The following RALYL variants were observed in gnomAD, a reference collection of about 807,000 sequenced individuals.
RALYL encodes the protein RNA-binding Raly-like protein.
Under a neutral mutation model 35.1 loss-of-function variants are expected in RALYL, and 29 were observed. The ratio of observed to expected loss-of-function variants is 0.83; its 90% CI spans 0.61 to 1.13. The LOEUF is 1.13. Among genes scored for constraint, RALYL ranks in the 50% most tolerant of loss-of-function variants. RALYL has a pLI of 0.00. For synonymous variants in RALYL, 120 were observed against 127.6 expected (o/e 0.94, Z 0.40); for missense variants, 359 against 360.4 (o/e 1.00, Z 0.03).
intron 2 of RALYL, among the ~76,000 whole-genome samples, chr8:84,724,413 C>G (rs1844566600): frequency 6.6e-6 from 1 of 151,770 alleles, no homozygotes; most frequent in Non-Finnish European, 1.5e-5. Flanking sequence ...ATAGAGGAAT[C>G]TTTGTTAAAG....
At chr8:84,778,150 G>A (rs1228211573) in intron 3 of RALYL, among the ~76,000 whole-genome samples, 1 of 152,114 alleles carries the variant, frequency 6.6e-6, no homozygotes, top group Non-Finnish European at 1.5e-5. Context: ...TTGTATGAAG[G>A]TAGTCTCTGA....
intron 2 of RALYL, among the ~76,000 whole-genome samples, chr8:84,593,162 G>A (rs1357055399): frequency 6.6e-6 from 1 of 151,880 alleles, no homozygotes; most frequent in Admixed American, 6.6e-5. Context: ...CATTCTTTCT[G>A]CTTGTATAGT....
chr8:84,605,367 A>G (rs1286109767), intron 2 of RALYL, among the ~76,000 whole-genome samples: 1 of 152,120 alleles, frequency 6.6e-6, no homozygotes, highest in African/African-American at 2.4e-5. Context: ...AGCAATCCAC[A>G]AAAACCAACA....
At chr8:84,673,528 A>T (rs1833648958) in intron 2 of RALYL, among the ~76,000 whole-genome samples, 1 of 151,938 alleles carries the variant, frequency 6.6e-6, no homozygotes, top group South Asian at 2.1e-4. Flanking sequence ...TTTTACATTT[A>T]AAATCCATCT....
At chr8:84,213,553 A>G (rs1586227281) in intron 1 of RALYL, among the ~76,000 whole-genome samples, 1 of 152,214 alleles carries the variant, frequency 6.6e-6, no homozygotes, top group Non-Finnish European at 1.5e-5. Context: ...AATATATTGT[A>G]TTTGGAATAG....
chr8:84,442,345 A>C (rs1182661612), intron 1 of RALYL, among the ~76,000 whole-genome samples: 1 of 152,122 alleles, frequency 6.6e-6, no homozygotes, highest in African/African-American at 2.4e-5. Flanking sequence ...ATTTGATTCT[A>C]ATTAAATGCT....
Position 84,224,661 on chromosome 8 carries a change from CT to C in RALYL, c.-24+40250del, listed in dbSNP as rs11406770. On this transcript the variant is annotated intron_variant, in intron 1 of 8. Coordinates refer to ENST00000521268, the MANE Select transcript of RALYL (RefSeq NM_173848.7). ...TAATGGATTATTAACTTCATTATTA[CT>C]TTTTTTTTTTTTGACACAAAGTTGC... Among the ~76,000 whole-genome samples the C allele has an allele frequency of 3.6e-3, 528 of 146,982 alleles. 2 individuals carry two copies. Among genetic ancestry groups the C allele is most frequent in the Middle Eastern group, 7.2e-3 (2 of 276 alleles).
chr8:84,799,678 C>T (rs1822745917), intron 3 of RALYL, among the ~76,000 whole-genome samples: 1 of 152,176 alleles, frequency 6.6e-6, no homozygotes, highest in Non-Finnish European at 1.5e-5. Flanking sequence ...GAGGAAGGGC[C>T]GGGTGCGCTG....
At chr8:84,632,126 C>T (rs1163409462) in intron 2 of RALYL, among the ~76,000 whole-genome samples, 2 of 151,814 alleles carry the variant, frequency 1.3e-5, no homozygotes, top group African/African-American at 4.8e-5. Flanking sequence ...TTATCCCCTC[C>T]CACCATGCGA....
intron 1 of RALYL, among the ~76,000 whole-genome samples, chr8:84,312,232 C>T (rs1842950119): frequency 6.6e-6 from 1 of 152,200 alleles, no homozygotes; most frequent in Non-Finnish European, 1.5e-5. Context: ...CCCCATAATC[C>T]AGTCACCTCC....
intron 1 of RALYL, among the ~76,000 whole-genome samples, chr8:84,338,154 C>T (rs187356496): frequency 6.6e-6 from 1 of 151,308 alleles, no homozygotes; most frequent in Admixed American, 6.6e-5. Flanking sequence ...ACCTTACATT[C>T]CTCCATCTTA....
chr8:84,428,055 G>A (rs958938657), intron 1 of RALYL, among the ~76,000 whole-genome samples: 5 of 145,894 alleles, frequency 3.4e-5, no homozygotes, highest in East Asian at 2.0e-4. Flanking sequence ...TTATTGATCC[G>A]GCTCGCTTGC....
chr8:84,201,468 T>C (rs1816827196), intron 1 of RALYL, among the ~76,000 whole-genome samples: 1 of 152,012 alleles, frequency 6.6e-6, no homozygotes, highest in Admixed American at 6.6e-5. Flanking sequence ...TGAGTGTGAG[T>C]GTGTGTGGAG....
intron 1 of RALYL, among the ~76,000 whole-genome samples, chr8:84,215,212 C>A (rs1820505601): frequency 6.6e-6 from 1 of 152,044 alleles, no homozygotes; most frequent in Admixed American, 6.6e-5. Context: ...ATATAGTACA[C>A]ATTTTAATAT....
chr8:84,599,897 CA>C (rs1815497869), intron 2 of RALYL, among the ~76,000 whole-genome samples: 1 of 149,212 alleles, frequency 6.7e-6, no homozygotes, highest in African/African-American at 2.4e-5. Flanking sequence ...GAAACTTGTT[CA>C]GGGGTTAGCA....
intron 1 of RALYL, among the ~76,000 whole-genome samples, chr8:84,198,524 C>A (rs1454882390): frequency 6.6e-6 from 1 of 152,044 alleles, no homozygotes; most frequent in Non-Finnish European, 1.5e-5. Context: ...TCCAATGATA[C>A]CCTTTGGCAT....
intron 1 of RALYL, among the ~76,000 whole-genome samples, chr8:84,468,297 A>T (rs894134494): frequency 5.3e-5 from 8 of 151,562 alleles, no homozygotes; most frequent in African/African-American, 9.7e-5. Flanking sequence ...GTTCCTTTCC[A>T]TGTTTAGTGC....
chr8:84,260,761 G>C (rs535671334), intron 1 of RALYL, among the ~76,000 whole-genome samples: 4 of 152,252 alleles, frequency 2.6e-5, no homozygotes, highest in African/African-American at 7.2e-5. Flanking sequence ...TTCTGGAATA[G>C]CATTGCTAAT....
intron 2 of RALYL, among the ~76,000 whole-genome samples, chr8:84,707,734 A>G (rs1841461428): frequency 6.6e-6 from 1 of 152,150 alleles, no homozygotes; most frequent in Admixed American, 6.6e-5. Flanking sequence ...GAGAGCAGGA[A>G]CATAATAAAA....
Sources: allele counts gnomAD v4.1 joint callset (sites outside exome capture counted in the v4.1 genomes callset), GRCh38; gene constraint gnomAD v4.1.1; transcripts MANE v1.5; gene names NCBI Gene and HGNC (gene_info 2026-07-23, HGNC 2026-07-21).